The following CTNNA3 variants were observed in gnomAD, a reference collection of about 807,000 sequenced individuals.
CTNNA3 encodes catenin alpha-3.
Under a neutral mutation model 95.7 loss-of-function variants are expected in CTNNA3, and 76 were observed. The ratio of observed to expected loss-of-function variants is 0.79; its 90% CI spans 0.66 to 0.96. The LOEUF is 0.96. Ranked by LOEUF, CTNNA3 falls within the 40% of genes least tolerant of loss-of-function variation. The pLI, the probability that CTNNA3 is intolerant of heterozygous loss-of-function variation, is 0.00. For missense variants in CTNNA3, 1,191 were observed against 1,089.8 expected, an observed-to-expected ratio of 1.09 and a Z score of -1.31; for synonymous variants, 431 against 374.4, an observed-to-expected ratio of 1.15 and a Z score of -1.74.
intron 11 of CTNNA3, among the ~76,000 whole-genome samples, chr10:66,470,674 A>G (rs1279173929): frequency 1.3e-5 from 2 of 151,852 alleles, no homozygotes; most frequent in South Asian, 2.1e-4. Flanking sequence ...AAAGAGACAG[A>G]TAAGTAGGTA....
intron 11 of CTNNA3, among the ~76,000 whole-genome samples, chr10:66,486,940 C>G (rs80174301): frequency 0.064 from 9,748 of 151,830 alleles, 663 homozygotes; most frequent in African/African-American, 0.17. Flanking sequence ...GTGACATAAG[C>G]TAGGCACAGA....
intron 9 of CTNNA3, among the ~76,000 whole-genome samples, chr10:66,720,332 C>A (rs549264805): frequency 3.3e-5 from 5 of 152,138 alleles, no homozygotes; most frequent in Non-Finnish European, 5.9e-5. Context: ...CCCAAGCTTG[C>A]TTTATAAACA....
chr10:66,621,386 G>A (rs1844740560), intron 10 of CTNNA3, among the ~76,000 whole-genome samples: 1 of 151,940 alleles, frequency 6.6e-6, no homozygotes, highest in African/African-American at 2.4e-5. Flanking sequence ...CAGTTTGGGA[G>A]GCCGAGGTGG....
intron 7 of CTNNA3, among the ~76,000 whole-genome samples, chr10:66,786,568 G>C (rs985952700): frequency 1.3e-5 from 2 of 152,166 alleles, no homozygotes; most frequent in Non-Finnish European, 2.9e-5. Context: ...AAAGACTGAA[G>C]GTAACTAGAA....
chr10:67,279,780 T>C lies in CTNNA3; in HGVS notation c.580-59910A>G, dbSNP rs188198290. Among the ~76,000 whole-genome samples, 37 of 150,412 alleles carry C rather than the reference T, an allele frequency of 2.5e-4. 3 individuals are homozygous for C. The highest frequency in any genetic ancestry group is 9.1e-4 in the African/African-American group (37 of 40,622). On this transcript the variant is annotated intron_variant, in intron 5 of 17. Coordinates refer to ENST00000433211, the MANE Select transcript of CTNNA3 (RefSeq NM_013266.4). ...TAACCTCCTAAAGCCACCCAGCTAG[T>C]TCCAGTCACAGCCAGATATAAAATC...
At chr10:66,255,272 A>G (rs886304408) in intron 13 of CTNNA3, among the ~76,000 whole-genome samples, 1 of 152,172 alleles carries the variant, frequency 6.6e-6, no homozygotes, top group African/African-American at 2.4e-5. Context: ...GCAAAGGGAA[A>G]AGGGAGGTCA....
intron 7 of CTNNA3, among the ~76,000 whole-genome samples, chr10:67,165,456 T>G (rs1286777497): frequency 6.6e-6 from 1 of 152,154 alleles, no homozygotes; most frequent in Non-Finnish European, 1.5e-5. Context: ...GTTTTTGTGT[T>G]GGTGATTACA....
intron 4 of CTNNA3, 67 bp downstream of exon 4, chr10:67,539,436 C>T: frequency 6.4e-7 from 1 of 1,561,028 alleles, no homozygotes; most frequent in South Asian, 1.1e-5. Context: ...AGGATCGACG[C>T]CAGGTTCAGA....
At chr10:67,215,625 C>T (rs1864323307) in intron 6 of CTNNA3, among the ~76,000 whole-genome samples, 1 of 152,098 alleles carries the variant, frequency 6.6e-6, no homozygotes, top group African/African-American at 2.4e-5. Context: ...TAGAAAATTC[C>T]AACATGGATT....
At chr10:66,571,772 G>C (rs1412224026) in intron 10 of CTNNA3, among the ~76,000 whole-genome samples, 2 of 152,056 alleles carry the variant, frequency 1.3e-5, no homozygotes, top group Non-Finnish European at 2.9e-5. Context: ...AGATAAATCT[G>C]TAATGACCCA....
At chr10:66,040,425 G>A (rs1046302258) in intron 15 of CTNNA3, among the ~76,000 whole-genome samples, 6 of 151,830 alleles carry the variant, frequency 4.0e-5, no homozygotes, top group African/African-American at 1.2e-4. Context: ...ATAGATGCAC[G>A]TGTATGTTCA....
At chr10:67,130,354 C>A (rs891863904) in intron 7 of CTNNA3, among the ~76,000 whole-genome samples, 1 of 152,002 alleles carries the variant, frequency 6.6e-6, no homozygotes, top group East Asian at 1.9e-4. Context: ...GAGAAGCCAC[C>A]CTCTATGAGG....
intron 6 of CTNNA3, among the ~76,000 whole-genome samples, chr10:67,201,133 G>A (rs907289573): frequency 2.0e-5 from 3 of 152,006 alleles, no homozygotes; most frequent in Non-Finnish European, 2.9e-5. Flanking sequence ...AGTAATGTGA[G>A]GAAAAAAATA....
intron 9 of CTNNA3, among the ~76,000 whole-genome samples, chr10:66,746,526 A>AT (rs528712044): frequency 1.9e-3 from 282 of 152,072 alleles, no homozygotes; most frequent in Non-Finnish European, 3.2e-3. Context: ...TTTGCATAGC[A>AT]TTTTTTTTCC....
intron 9 of CTNNA3, among the ~76,000 whole-genome samples, chr10:66,686,226 G>C (rs997984087): frequency 6.6e-6 from 1 of 152,100 alleles, no homozygotes; most frequent in Admixed American, 6.5e-5. Context: ...AATTCTTGAG[G>C]TATATGTAGT....
At chr10:66,655,444 A>C (rs989731270) in intron 9 of CTNNA3, among the ~76,000 whole-genome samples, 1 of 152,074 alleles carries the variant, frequency 6.6e-6, no homozygotes, top group Non-Finnish European at 1.5e-5. Flanking sequence ...ATGCTAAACA[A>C]ATGAGAAATT....
chr10:66,122,444 C>A (rs12762753), intron 13 of CTNNA3, among the ~76,000 whole-genome samples: 1 of 152,078 alleles, frequency 6.6e-6, no homozygotes, highest in Non-Finnish European at 1.5e-5. Context: ...AATGGCTGAT[C>A]GTTTTCAGCA....
intron 5 of CTNNA3, among the ~76,000 whole-genome samples, chr10:67,447,590 T>C (rs934868474): frequency 1.3e-5 from 2 of 152,168 alleles, no homozygotes; most frequent in African/African-American, 4.8e-5. Context: ...CATATCTGTT[T>C]GGCCCATTTC....
At chr10:66,486,874 A>G (rs1276797722) in intron 11 of CTNNA3, among the ~76,000 whole-genome samples, 2 of 152,018 alleles carry the variant, frequency 1.3e-5, no homozygotes, top group African/African-American at 4.8e-5. Context: ...AGTCTTAAAA[A>G]AAGAAAATCC....
Sources: gnomAD v4.1 joint callset for allele counts (sites outside exome capture counted in the v4.1 genomes callset) on GRCh38, gnomAD v4.1.1 for gene constraint, MANE v1.5 for transcripts, NCBI Gene and HGNC (gene_info 2026-07-23, HGNC 2026-07-21) for gene names.